The following ZNF423 variants were observed in gnomAD, a reference collection of about 807,000 sequenced individuals.
ZNF423 encodes the protein Ebf-associated zinc finger protein.
Under a neutral mutation model 95.8 loss-of-function variants are expected in ZNF423, and 12 were observed. The observed-to-expected ratio is 0.13, with a 90% CI of 0.08 to 0.20. The LOEUF (loss-of-function observed/expected upper bound fraction) is 0.20. Ranked by LOEUF, ZNF423 falls within the 10% of genes least tolerant of loss-of-function variation. ZNF423 has a pLI of 1.00. For missense variants in ZNF423, 1,316 were observed against 1,737.1 expected, an observed-to-expected ratio of 0.76 and a Z score of 4.31; for synonymous variants, 749 against 711.9, an observed-to-expected ratio of 1.05 and a Z score of -0.83.
chr16:49,649,389 T>C (rs947912228), intron 3 of ZNF423, among the ~76,000 whole-genome samples: 1 of 152,178 alleles, frequency 6.6e-6, no homozygotes, highest in Admixed American at 6.5e-5. Context: ...CACTTAATGA[T>C]GTCTGTGCCT....
intron 3 of ZNF423, among the ~76,000 whole-genome samples, chr16:49,687,173 G>T (rs1470928079): frequency 3.3e-5 from 5 of 151,496 alleles, no homozygotes; most frequent in Admixed American, 6.6e-5. Flanking sequence ...ATAAACAGTG[G>T]GCAGGCCTCC....
intron 5 of ZNF423, among the ~76,000 whole-genome samples, chr16:49,598,719 C>T (rs1971261389): frequency 6.6e-6 from 1 of 152,256 alleles, no homozygotes; most frequent in South Asian, 2.1e-4. Context: ...AAGGTAAGAG[C>T]TGTCTGCTGA....
chr16:49,626,051 A>G, intron 5 of ZNF423, 119 bp downstream of exon 5: 1 of 972,532 alleles, frequency 1.0e-6, no homozygotes, highest in East Asian at 2.4e-5. Flanking sequence ...GCAATGTCTC[A>G]GAAACAGCAG....
intron 1 of ZNF423, among the ~76,000 whole-genome samples, chr16:49,839,060 C>T (rs1256983026): frequency 6.6e-6 from 1 of 150,386 alleles, no homozygotes; most frequent in African/African-American, 2.4e-5. Flanking sequence ...AGCCATCCCC[C>T]CTCTTCCCCG....
chr16:49,705,955 G>A (rs1181578276), intron 3 of ZNF423, among the ~76,000 whole-genome samples: 2 of 152,298 alleles, frequency 1.3e-5, no homozygotes, highest in East Asian at 1.9e-4. Flanking sequence ...AAGGCACGTG[G>A]ACGACCATCT....
intron 1 of ZNF423, among the ~76,000 whole-genome samples, chr16:49,792,037 G>A (rs543238111): frequency 6.6e-5 from 10 of 151,224 alleles, no homozygotes; most frequent in South Asian, 2.1e-4. Flanking sequence ...AAAGTGGATC[G>A]GTGGTTGCCT....
At chr16:49,502,739 T>C (rs1180876809) in intron 7 of ZNF423, among the ~76,000 whole-genome samples, 1 of 151,768 alleles carries the variant, frequency 6.6e-6, no homozygotes, top group Non-Finnish European at 1.5e-5. Flanking sequence ...GCAGCGTTCC[T>C]ATTACTGTGC....
At chr16:49,598,650 C>T (rs1052985123) in intron 5 of ZNF423, among the ~76,000 whole-genome samples, 1 of 152,232 alleles carries the variant, frequency 6.6e-6, no homozygotes, top group Non-Finnish European at 1.5e-5. Flanking sequence ...GAGGCCATCA[C>T]GCCAAAAGGC....
chr16:49,765,492 C>A (rs1276249144), intron 2 of ZNF423, among the ~76,000 whole-genome samples: 1 of 152,040 alleles, frequency 6.6e-6, no homozygotes, highest in Non-Finnish European at 1.5e-5. Flanking sequence ...AGGAGGATTT[C>A]TTGATCCCAG....
chr16:49,799,018 G>T (rs765800006), intron 1 of ZNF423, among the ~76,000 whole-genome samples: 1 of 152,188 alleles, frequency 6.6e-6, no homozygotes, highest in Non-Finnish European at 1.5e-5. Context: ...TCTAGCTATG[G>T]CTGTGAGGTA....
At position 49,489,373 on chromosome 16, in the gene ZNF423, G is replaced by C. The variant is rs1207188147; in HGVS notation, c.*1902C>G. 6.6e-6 allele frequency: 1 copy of C among 152,206 alleles called. No homozygotes were observed. The highest frequency in any genetic ancestry group is 2.4e-5 in the African/African-American group (1 of 41,448). 9.4% of individuals were successfully genotyped at this position (152,206 alleles called of 1,614,324 possible). A position where few individuals can be genotyped will look rare whatever the true frequency, so the allele number is the denominator to read the frequency against. On this transcript the variant is annotated 3_prime_UTR_variant, in exon 8 of 8. Coordinates refer to ENST00000563137, the MANE Select transcript of ZNF423 (RefSeq NM_001379286.1). ...CAGTCCACGGGTGGGCACACTTAGA[G>C]GAACACTGGTGTCTACCCTGGGGTC...
intron 5 of ZNF423, among the ~76,000 whole-genome samples, chr16:49,610,844 C>T (rs9934003): frequency 6.6e-6 from 1 of 151,570 alleles, no homozygotes; most frequent in Admixed American, 6.6e-5. Flanking sequence ...TGCAAACATT[C>T]ATTGAAAGAA....
intron 5 of ZNF423, among the ~76,000 whole-genome samples, chr16:49,592,316 T>C (rs560028801): frequency 1.3e-5 from 2 of 152,282 alleles, no homozygotes; most frequent in African/African-American, 4.8e-5. Flanking sequence ...GTAAGGAAAG[T>C]GTATTATTTG....
intron 3 of ZNF423, among the ~76,000 whole-genome samples, chr16:49,686,980 AG>A (rs1271967051): frequency 2.6e-5 from 4 of 151,850 alleles, no homozygotes; most frequent in Non-Finnish European, 5.9e-5. Flanking sequence ...TGTCTGCCCC[AG>A]GGTCTCCTGC....
In ZNF423 at chr16:49,820,061, GATGGATGGATGC is replaced by G. The variant is rs1237959666; in HGVS notation, c.41-30527_41-30516del. 5.1e-3 allele frequency among the ~76,000 whole-genome samples: 778 copies of G among 151,736 alleles called. 5 individuals are homozygous for G. The highest frequency in any genetic ancestry group is 0.018 in the African/African-American group (726 of 41,112). On this transcript the variant is annotated intron_variant, in intron 1 of 7. Coordinates refer to ENST00000563137, the MANE Select transcript of ZNF423 (RefSeq NM_001379286.1). ...GGATGGATGGATGGATGGATGGATG[GATGGATGGATGC>G]ATGGATGGATGGGTGGATGGATGAA...
At chr16:49,511,513 G>A (rs548089527) in intron 7 of ZNF423, among the ~76,000 whole-genome samples, 18 of 152,306 alleles carry the variant, frequency 1.2e-4, no homozygotes, top group South Asian at 2.1e-4. Context: ...GACCTCATGC[G>A]TGAGGTCCTA....
intron 3 of ZNF423, among the ~76,000 whole-genome samples, chr16:49,658,619 T>C (rs750089005): frequency 1.3e-5 from 2 of 152,142 alleles, no homozygotes; most frequent in Non-Finnish European, 2.9e-5. Context: ...TGGGGAAGGC[T>C]CTGGGATATG....
chr16:49,604,056 T>C (rs1040197093), intron 5 of ZNF423, among the ~76,000 whole-genome samples: 19 of 152,216 alleles, frequency 1.2e-4, no homozygotes, highest in African/African-American at 4.3e-4. Context: ...TACCGGTGTC[T>C]GAGCTGCAAG....
At chr16:49,842,783 G>A (rs2035204342) in intron 1 of ZNF423, among the ~76,000 whole-genome samples, 1 of 152,068 alleles carries the variant, frequency 6.6e-6, no homozygotes, top group Non-Finnish European at 1.5e-5. Flanking sequence ...AGACCATCCT[G>A]GCCAACATGG....
Sources: allele counts gnomAD v4.1 joint callset (sites outside exome capture counted in the v4.1 genomes callset), GRCh38; gene constraint gnomAD v4.1.1; transcripts MANE v1.5; gene names NCBI Gene and HGNC (gene_info 2026-07-23, HGNC 2026-07-21).